The following TLCD4 variants were observed in gnomAD, a reference collection of about 807,000 sequenced individuals.
TLCD4 encodes TLC domain-containing protein 4.
A neutral mutation model predicts 24.2 loss-of-function variants in TLCD4; 7 were observed. That is an observed-to-expected ratio of 0.29 (90% CI 0.16 to 0.54). TLCD4 has a LOEUF of 0.54. Among genes scored for constraint, TLCD4 ranks in the 20% least tolerant of loss-of-function variants. The probability of loss-of-function intolerance (pLI) is 0.95; values close to 1 mark genes in which losing one functional copy is unlikely to be tolerated. For synonymous variants in TLCD4, 103 were observed against 106.4 expected, an observed-to-expected ratio of 0.97 and a Z score of 0.20; for missense variants, 259 against 313.9, an observed-to-expected ratio of 0.82 and a Z score of 1.32.
At chr1:95,123,724 C>T (rs532128311) in intron 1 of TLCD4, among the ~76,000 whole-genome samples, 8 of 152,238 alleles carry the variant, frequency 5.3e-5, no homozygotes, top group Non-Finnish European at 1.2e-4. Flanking sequence ...TATTTTGCAG[C>T]TTGCTTCTTT....
At chr1:95,095,800 G>A in the TLCD4 span, among the ~76,000 whole-genome samples, 4 of 152,234 alleles carry the variant, frequency 2.6e-5, no homozygotes, top group Non-Finnish European at 4.4e-5. Context: ...ATTAAGTCAT[G>A]TAGGCTTGCC....
intron 6 of TLCD4, among the ~76,000 whole-genome samples, chr1:95,178,846 G>A (rs566534615): frequency 5.3e-5 from 8 of 152,196 alleles, no homozygotes; most frequent in South Asian, 4.1e-4. Flanking sequence ...TAGGTGGCAC[G>A]TTGAATCAAC....
intron 1 of TLCD4, among the ~76,000 whole-genome samples, chr1:95,141,200 C>CAAAG (rs1299832039): frequency 6.6e-6 from 1 of 152,068 alleles, no homozygotes; most frequent in Admixed American, 6.6e-5. Flanking sequence ...TCCATTAGAA[C>CAAAG]AAAGACTTAA....
At chr1:95,135,520 C>T (rs34136988) in intron 1 of TLCD4, among the ~76,000 whole-genome samples, 6 of 151,622 alleles carry the variant, frequency 4.0e-5, no homozygotes, top group Non-Finnish European at 8.8e-5. Context: ...CCTTAGCCCC[C>T]TCAAGTAGCT....
At chr1:95,123,515 C>T (rs927133833) in intron 1 of TLCD4, among the ~76,000 whole-genome samples, 5 of 152,124 alleles carry the variant, frequency 3.3e-5, no homozygotes, top group African/African-American at 1.2e-4. Flanking sequence ...AAAAGTAAAA[C>T]TAGCTCATTA....
chr1:95,112,839 C>T (rs1480125390), upstream of TLCD4, among the ~76,000 whole-genome samples: 1 of 152,052 alleles, frequency 6.6e-6, no homozygotes, highest in Non-Finnish European at 1.5e-5. Flanking sequence ...TATGTTGAAG[C>T]ATTTGTATCT....
chr1:95,171,983 A>G (rs1678246017), intron 5 of TLCD4, among the ~76,000 whole-genome samples: 1 of 152,196 alleles, frequency 6.6e-6, no homozygotes, highest in Non-Finnish European at 1.5e-5. Flanking sequence ...ACATGCACAC[A>G]GGGATAATGC....
chr1:95,135,884 AAT>A (rs1677028425), intron 1 of TLCD4, among the ~76,000 whole-genome samples: 18 of 151,680 alleles, frequency 1.2e-4, no homozygotes, highest in Admixed American at 1.2e-3. Context: ...ACACCTGGTT[AAT>A]TTTTGTATTT....
upstream of TLCD4, among the ~76,000 whole-genome samples, chr1:95,114,124 A>G (rs1018257881): frequency 3.3e-5 from 5 of 152,176 alleles, no homozygotes; most frequent in East Asian, 7.7e-4. Flanking sequence ...CAGTGGTGCA[A>G]TATCAGCTCA....
At chr1:95,122,204 A>G (rs1170599677) in intron 1 of TLCD4, among the ~76,000 whole-genome samples, 1 of 152,176 alleles carries the variant, frequency 6.6e-6, no homozygotes, top group Non-Finnish European at 1.5e-5. Flanking sequence ...TGAAAAAAAT[A>G]CAAAAATTAG....
the TLCD4 span, among the ~76,000 whole-genome samples, chr1:95,102,985 A>ATTT: frequency 1.5e-4 from 23 of 149,572 alleles, no homozygotes; most frequent in South Asian, 4.9e-3. Context: ...TAAAAAAAAA[A>ATTT]TTTTTTTTTT....
intron 5 of TLCD4, among the ~76,000 whole-genome samples, chr1:95,152,195 A>C (rs1285282114): frequency 1.3e-5 from 2 of 152,044 alleles, no homozygotes; most frequent in Non-Finnish European, 2.9e-5. Context: ...TGAAATGATG[A>C]ATGTTAACAG....
At chr1:95,135,468 C>G (rs969113976) in intron 1 of TLCD4, among the ~76,000 whole-genome samples, 2 of 149,226 alleles carry the variant, frequency 1.3e-5, no homozygotes, top group African/African-American at 5.0e-5. Context: ...ATGATCTCAG[C>G]TTATTGCAAC....
intron 6 of TLCD4, 35 bp from the exon 7 acceptor site, chr1:95,191,515 C>T (rs779772606): frequency 6.3e-7 from 1 of 1,578,742 alleles, no homozygotes. Context: ...CAGAGATGCA[C>T]TATAAATGTG....
At position 95,174,507 on chromosome 1, in the gene TLCD4, CAA is replaced by C. The variant is rs141819142; in HGVS notation, c.473+636_473+637del. On this transcript the variant is annotated intron_variant, in intron 6 of 6. Coordinates refer to ENST00000370203, the MANE Select transcript of TLCD4 (RefSeq NM_152487.3). ...GTAACATTGTGAGATCCCATCCCTACAAAAAAAAAAAAAAAAAAAGAAAAAAG... is the reference window on the plus strand; with the variant it reads ...GTAACATTGTGAGATCCCATCCCTACAAAAAAAAAAAAAAAAAGAAAAAAG... Among the ~76,000 whole-genome samples, 67 of 85,852 alleles carry C rather than the reference CAA, an allele frequency of 7.8e-4. 1 individual carries two copies. The highest frequency in any genetic ancestry group is 5.7e-3 in the Middle Eastern group (1 of 174). 56.3% of individuals were successfully genotyped at this position (85,852 alleles called of 152,430 possible).
At chr1:95,138,025 C>T (rs559105546) in intron 1 of TLCD4, among the ~76,000 whole-genome samples, 1 of 151,928 alleles carries the variant, frequency 6.6e-6, no homozygotes, top group African/African-American at 2.4e-5. Flanking sequence ...GGCATGAGCC[C>T]GACTGAGAAC....
intron 6 of TLCD4, among the ~76,000 whole-genome samples, chr1:95,187,572 C>T (rs556268268): frequency 6.6e-6 from 1 of 152,110 alleles, no homozygotes; most frequent in Non-Finnish European, 1.5e-5. Flanking sequence ...TCATTCTCAT[C>T]ACACATATTA....
chr1:95,159,567 T>G (rs1050842220), intron 5 of TLCD4, among the ~76,000 whole-genome samples: 2 of 152,242 alleles, frequency 1.3e-5, no homozygotes, highest in Admixed American at 6.5e-5. Flanking sequence ...GTTTTAGTCA[T>G]GAAGTCTTTG....
rs1314590471 is a variant in TLCD4 at position 95,192,930 on chromosome 1, C to A, written c.*1062C>A. On this transcript the variant is annotated 3_prime_UTR_variant, in exon 7 of 7. Coordinates refer to ENST00000370203, the MANE Select transcript of TLCD4 (RefSeq NM_152487.3). The stretch of plus-strand genomic sequence containing the variant: ...TCTAAAAATGCATGTTGATAGAGGA[C>A]TATTTAGGCTAATCGGAGGAATCAT... 6.6e-6 allele frequency: 1 copy of A among 152,032 alleles called. No individual in the cohort carries two copies. The allele number at this position is 152,032 out of a possible 1,614,324, so 9.4% of individuals were successfully genotyped here.
Sources: gnomAD v4.1 joint callset for allele counts (sites outside exome capture counted in the v4.1 genomes callset) on GRCh38, gnomAD v4.1.1 for gene constraint, MANE v1.5 for transcripts, NCBI Gene and HGNC (gene_info 2026-07-23, HGNC 2026-07-21) for gene names.